Variants in STAG2 observed in about 807,000 individuals in gnomAD.
The protein encoded by STAG2 is STAG2 cohesin complex component, also known as cohesin subunit SA-2.
STAG2 carries 14 observed loss-of-function variants against 108.1 expected under a neutral mutation model. The ratio of observed to expected loss-of-function variants is 0.13; its 90% confidence interval spans 0.09 to 0.20. STAG2 has a LOEUF of 0.20. Ranked by LOEUF, STAG2 falls within the 10% of genes least tolerant of loss-of-function variation. The pLI, the probability that STAG2 is intolerant of heterozygous loss-of-function variation, is 1.00. For missense variants in STAG2, 440 were observed against 940.9 expected, an observed-to-expected ratio of 0.47 and a Z score of 6.96; for synonymous variants, 307 against 302.7, an observed-to-expected ratio of 1.01 and a Z score of -0.15.
Position 124,101,845 on chromosome X carries a change from CAG to C in STAG2, c.*1250_*1251del, listed in dbSNP as rs1162392897. 6.2e-6 allele frequency: 1 copy of C among 160,430 alleles called. No individual in the cohort carries two copies. Among genetic ancestry groups the C allele is most frequent in the African/African-American group, 3.0e-5 (1 of 33,130 alleles). The allele number at this position is 160,430 out of a possible 1,213,427, so 13.2% of individuals were successfully genotyped here. A position where few individuals can be genotyped will look rare whatever the true frequency, so the allele number is the denominator to read the frequency against. On this transcript the variant is annotated 3_prime_UTR_variant, in exon 35 of 35. Coordinates refer to ENST00000371145, the MANE Select transcript of STAG2 (RefSeq NM_001042750.2). Reference sequence around the variant, plus strand: ...CTTTCACAAATAAATTAGTTTAAAACAGAAAGTGGCTACTTGCCATTTTGACA... The same window carrying C: ...CTTTCACAAATAAATTAGTTTAAAACAAAGTGGCTACTTGCCATTTTGACA...
chrX:123,988,904 A>C (rs2055318495), intron 1 of STAG2, among the ~76,000 whole-genome samples: 1 of 111,188 alleles, frequency 9.0e-6, no homozygotes, highest in Admixed American at 9.6e-5. Flanking sequence ...TAAACTGATA[A>C]GGTTCATTCT....
intron 1 of STAG2, among the ~76,000 whole-genome samples, chrX:124,004,499 A>G (rs776378497): frequency 8.0e-5 from 9 of 111,967 alleles, no homozygotes; most frequent in African/African-American, 2.6e-4. Flanking sequence ...ACTGTTTTCT[A>G]GGTTCATCCA....
rs764614032 is a variant in STAG2 at position 123,989,583 on chromosome X, T to C, written c.-163+27727T>C. Among the ~76,000 whole-genome samples, 12 of 109,591 alleles carry C rather than the reference T, an allele frequency of 1.1e-4. 1 individual carries two copies. The South Asian group carries it at 4.5e-3, about 42-fold the overall frequency. ...TTTTCTTCCAGGAAAAGTGGTATTA[T>C]ATAATTATTTTCTTTTTTTCTTTCT... On this transcript the variant is annotated intron_variant, in intron 1 of 34. Transcript: ENST00000371145.
intron 1 of STAG2, among the ~76,000 whole-genome samples, chrX:123,969,787 A>G (rs1377787625): frequency 9.2e-6 from 1 of 108,849 alleles, no homozygotes; most frequent in African/African-American, 3.3e-5. Context: ...CTGGGACTAC[A>G]GGCGCGTACC....
At chrX:124,062,287 C>T (rs2058404006) in intron 17 of STAG2, among the ~76,000 whole-genome samples, 1 of 111,909 alleles carries the variant, frequency 8.9e-6, no homozygotes, top group African/African-American at 3.2e-5. Flanking sequence ...TTTACATGAA[C>T]TTGCATTTTA....
intron 30 of STAG2, among the ~76,000 whole-genome samples, chrX:124,087,090 A>G (rs926882236): frequency 8.9e-6 from 1 of 112,232 alleles, no homozygotes; most frequent in African/African-American, 3.2e-5. Flanking sequence ...GCTACACTGT[A>G]TGCATAGGGA....
chrX:123,989,052 G>A (rs1022422294), intron 1 of STAG2, among the ~76,000 whole-genome samples: 2 of 111,423 alleles, frequency 1.8e-5, no homozygotes, highest in South Asian at 7.5e-4. Flanking sequence ...TCCCTGTACT[G>A]TATGTAATTC....
At position 124,101,557 on chromosome X, in the gene STAG2, A is replaced by G. The variant is rs1424386410; in HGVS notation, c.*960A>G. On this transcript the variant is annotated 3_prime_UTR_variant, in exon 35 of 35. Coordinates refer to ENST00000371145, the MANE Select transcript of STAG2 (RefSeq NM_001042750.2). ...AGTTTTTTCTTACTTTTAAATTCCA[A>G]CTTAAAATTATGAGGTTTCAGAAAT... 2.0e-5 allele frequency: 3 copies of G among 153,831 alleles called. No individual in the cohort carries two copies. Among genetic ancestry groups the G allele is most frequent in the African/African-American group, 9.2e-5 (3 of 32,602 alleles). 12.7% of individuals were successfully genotyped at this position (153,831 alleles called of 1,213,427 possible). A position where few individuals can be genotyped will look rare whatever the true frequency, so the allele number is the denominator to read the frequency against.
chrX:124,056,133 G>A lies in STAG2; in HGVS notation c.1202G>A (p.Ser401Asn). The change falls in exon 14 of 35, where the codon AGT becomes AAT. Residue 401 changes from serine to asparagine, a missense_variant. Ser to Asn is a conservative substitution (Grantham distance 46). This residue lies in a region of STAG2 where 337 missense variants were observed against 649.3 expected (regional missense o/e 0.52). Coordinates refer to ENST00000371145, the MANE Select transcript of STAG2 (RefSeq NM_001042750.2). ...TGTTACTGCTTATTTCTTAGGAGTA[G>A]TGAAGAAGTTCTCACTGCAGAAGAT... ...IKLLTLVLQS[S>N]EEVLTAEDCE... 1.0e-5 allele frequency: 12 copies of A among 1,197,475 alleles called. No individual in the cohort carries two copies. Among genetic ancestry groups the A allele is most frequent in the Non-Finnish European group, 1.4e-5 (12 of 885,886 alleles).
In STAG2 at chrX:124,005,372, C is replaced by CCACCAT. The variant is rs758189551; in HGVS notation, c.-162-15980_-162-15975dup. 1.8e-4 allele frequency among the ~76,000 whole-genome samples: 20 copies of CCACCAT among 111,484 alleles called. No individual in the cohort carries two copies. The East Asian group carries it at 4.5e-3, about 25-fold the overall frequency. On this transcript the variant is annotated intron_variant, in intron 1 of 34. Transcript: ENST00000371145. Reference sequence around the variant, plus strand: ...GTGTGGATAGGTGTAAGCACTACCACCACCATCACCATCACCATCAAGACA... The same window carrying CCACCAT: ...GTGTGGATAGGTGTAAGCACTACCACCACCATCACCATCACCATCACCATCAAGACA...
intron 1 of STAG2, among the ~76,000 whole-genome samples, chrX:123,982,176 TAAAA>T (rs768977083): frequency 1.8e-5 from 1 of 55,232 alleles, no homozygotes; most frequent in Admixed American, 2.2e-4. Flanking sequence ...CTGTCTCTAC[TAAAA>T]AAAAAAAAAA....
At chrX:123,984,521 C>G (rs908514069) in intron 1 of STAG2, among the ~76,000 whole-genome samples, 13 of 111,629 alleles carry the variant, frequency 1.2e-4, no homozygotes, top group African/African-American at 4.2e-4. Flanking sequence ...GGGGCAAAAA[C>G]TTCTCTCTTC....
chrX:123,969,967 T>G (rs1028767012), intron 1 of STAG2, among the ~76,000 whole-genome samples: 7 of 102,216 alleles, frequency 6.8e-5, no homozygotes, highest in Non-Finnish European at 1.4e-4. Flanking sequence ...TTTTTTTTTT[T>G]TTTTTTTTTT....
chrX:124,072,497 A>G (rs916150803), intron 25 of STAG2, among the ~76,000 whole-genome samples: 2 of 111,095 alleles, frequency 1.8e-5, no homozygotes, highest in African/African-American at 3.3e-5. Flanking sequence ...AAGTTTATAT[A>G]CTTTGAGTTT....
chrX:124,026,893 T>C (rs2057122047), intron 4 of STAG2, among the ~76,000 whole-genome samples: 1 of 111,622 alleles, frequency 9.0e-6, no homozygotes, highest in Non-Finnish European at 1.9e-5. Flanking sequence ...AAATTAAATT[T>C]ATTTGTTTTT....
chrX:124,048,959 G>A, intron 9 of STAG2, 46 bp from the exon 10 acceptor site: 1 of 1,068,662 alleles, frequency 9.4e-7, no homozygotes, highest in South Asian at 1.9e-5. Context: ...TGTTCATTTG[G>A]TTGTCTTCCT....
intron 15 of STAG2, among the ~76,000 whole-genome samples, chrX:124,058,720 C>G (rs1358255246): frequency 8.9e-6 from 1 of 111,796 alleles, no homozygotes; most frequent in Non-Finnish European, 1.9e-5. Flanking sequence ...CCTGCCATTG[C>G]AATTGTAGAT....
intron 33 of STAG2, among the ~76,000 whole-genome samples, chrX:124,094,919 G>C (rs778832817): frequency 3.2e-4 from 34 of 105,636 alleles, no homozygotes; most frequent in African/African-American, 9.8e-4. Context: ...TTGTCTCTTA[G>C]GATAATTTTC....
chrX:123,990,745 G>T (rs915340512), intron 1 of STAG2, among the ~76,000 whole-genome samples: 6 of 111,745 alleles, frequency 5.4e-5, no homozygotes, highest in African/African-American at 2.0e-4. Context: ...TACAGAGGAG[G>T]CGTAGTGATT....
Sources: allele counts gnomAD v4.1 joint callset (sites outside exome capture counted in the v4.1 genomes callset), GRCh38; gene constraint gnomAD v4.1.1; regional missense constraint gnomAD v4.1.1; transcripts MANE v1.5; gene names NCBI Gene and HGNC (gene_info 2026-07-23, HGNC 2026-07-21).